Variants in ENAH observed in about 807,000 individuals in gnomAD.
ENAH encodes ENAH actin regulator.
In ENAH, 23 loss-of-function variants were observed where a neutral mutation model predicts 78.7. That is an observed-to-expected ratio of 0.29 (90% confidence interval 0.21 to 0.41). The LOEUF is 0.41. Among genes scored for constraint, ENAH ranks in the 10% least tolerant of loss-of-function variants. The pLI, the probability that ENAH is intolerant of heterozygous loss-of-function variation, is 1.00. For missense variants in ENAH, 544 were observed against 691.0 expected, an observed-to-expected ratio of 0.79 and a Z score of 2.39; for synonymous variants, 226 against 241.0, an observed-to-expected ratio of 0.94 and a Z score of 0.58.
intron 3 of ENAH, among the ~76,000 whole-genome samples, chr1:225,554,431 T>A (rs905011524): frequency 7.2e-5 from 11 of 152,208 alleles, no homozygotes; most frequent in African/African-American, 2.4e-4. Context: ...CTAAAATCTT[T>A]AAAAAAACCG....
intron 5 of ENAH, chr1:225,517,607 T>C (rs1479530811): frequency 8.4e-6 from 13 of 1,550,940 alleles, no homozygotes; most frequent in South Asian, 1.2e-5. Context: ...CTAATCATTA[T>C]TGGAGGAGAT....
intron 2 of ENAH, among the ~76,000 whole-genome samples, chr1:225,561,420 G>A (rs971845403): frequency 2.1e-4 from 32 of 151,400 alleles, no homozygotes; most frequent in Admixed American, 3.3e-4. Flanking sequence ...TCAGGAGATC[G>A]AAACCAACCT....
At chr1:225,642,949 G>T (rs1392581819) in intron 1 of ENAH, among the ~76,000 whole-genome samples, 1 of 152,176 alleles carries the variant, frequency 6.6e-6, no homozygotes, top group African/African-American at 2.4e-5. Flanking sequence ...GGCCTGAGCT[G>T]GCCAGAATGT....
intron 4 of ENAH, among the ~76,000 whole-genome samples, chr1:225,529,113 G>A (rs2096525499): frequency 6.6e-6 from 1 of 152,156 alleles, no homozygotes; most frequent in Admixed American, 6.5e-5. Context: ...GCTCAACAGA[G>A]CAGACTGACT....
chr1:225,584,074 A>G (rs1172449677), intron 1 of ENAH, among the ~76,000 whole-genome samples: 1 of 152,016 alleles, frequency 6.6e-6, no homozygotes, highest in African/African-American at 2.4e-5. Context: ...CACTGCTTGA[A>G]CCCGGGAGAT....
intron 2 of ENAH, among the ~76,000 whole-genome samples, chr1:225,559,625 A>G (rs1195023953): frequency 6.6e-6 from 1 of 152,142 alleles, no homozygotes; most frequent in East Asian, 1.9e-4. Context: ...CACCAACCTA[A>G]TAGTTCCCTA....
chr1:225,528,670 A>C (rs1332366951), intron 4 of ENAH, among the ~76,000 whole-genome samples: 1 of 152,108 alleles, frequency 6.6e-6, no homozygotes, highest in East Asian at 1.9e-4. Flanking sequence ...AGTAGGGCAA[A>C]TTTATCATGA....
At chr1:225,612,732 A>C (rs1248314572) in intron 1 of ENAH, among the ~76,000 whole-genome samples, 1 of 152,186 alleles carries the variant, frequency 6.6e-6, no homozygotes, top group Non-Finnish European at 1.5e-5. Flanking sequence ...AATAAATACT[A>C]AATAATTCAT....
Position 225,639,980 on chromosome 1 carries a change from A to C in ENAH, c.5+12706T>G, listed in dbSNP as rs182121605. 9.2e-5 allele frequency among the ~76,000 whole-genome samples: 14 copies of C among 152,316 alleles called. No homozygotes were observed. In the East Asian group the frequency reaches 2.5e-3, roughly 27 times the overall value. Reference sequence around the variant, plus strand: ...TCAATATTTAAGCACTTTAAGTCTTAAACAGTTACTTGGAGCTGAAAGCAT... The same window carrying C: ...TCAATATTTAAGCACTTTAAGTCTTCAACAGTTACTTGGAGCTGAAAGCAT... On this transcript the variant is annotated intron_variant, in intron 1 of 13. Coordinates refer to ENST00000366843, the MANE Select transcript of ENAH (RefSeq NM_018212.6).
chr1:225,538,949 T>C (rs10915847), intron 3 of ENAH, among the ~76,000 whole-genome samples: 105,346 of 152,028 alleles, frequency 0.69, 36,620 homozygotes, highest in Middle Eastern at 0.76. Flanking sequence ...CTGCTTCCTC[T>C]TCCTGAACAC....
intron 4 of ENAH, among the ~76,000 whole-genome samples, chr1:225,520,529 A>C (rs1045887075): frequency 2.6e-5 from 4 of 152,040 alleles, no homozygotes; most frequent in African/African-American, 7.2e-5. Flanking sequence ...ATTTCCCGCT[A>C]CTGTGAAATC....
chr1:225,629,312 G>A (rs188340303), intron 1 of ENAH, among the ~76,000 whole-genome samples: 46 of 151,338 alleles, frequency 3.0e-4, no homozygotes, highest in African/African-American at 1.0e-3. Flanking sequence ...AAGGCTGGGC[G>A]CTGTGGCTCA....
At chr1:225,586,758 G>A (rs955267060) in intron 1 of ENAH, among the ~76,000 whole-genome samples, 4 of 152,086 alleles carry the variant, frequency 2.6e-5, no homozygotes. Flanking sequence ...GAGCATGGTG[G>A]CTCACCCGTT....
chr1:225,545,896 A>G (rs892800048), intron 3 of ENAH, among the ~76,000 whole-genome samples: 9 of 147,736 alleles, frequency 6.1e-5, no homozygotes, highest in African/African-American at 2.2e-4. Context: ...TCTAATGATT[A>G]GGACATCTGT....
At chr1:225,563,190 A>G (rs1169099582) in intron 2 of ENAH, among the ~76,000 whole-genome samples, 1 of 152,212 alleles carries the variant, frequency 6.6e-6, no homozygotes, top group African/African-American at 2.4e-5. Context: ...GTTTATCCGC[A>G]GATACTCCTG....
At chr1:225,550,386 C>A (rs142221310) in intron 3 of ENAH, among the ~76,000 whole-genome samples, 1 of 152,318 alleles carries the variant, frequency 6.6e-6, no homozygotes, top group East Asian at 1.9e-4. Context: ...CTTTATTTAT[C>A]ATTTTTGTAT....
In ENAH at chr1:225,557,682, G is replaced by A. The variant is rs551053105; in HGVS notation, c.172-2599C>T. Among the ~76,000 whole-genome samples, 125 of 152,182 alleles carry A rather than the reference G, an allele frequency of 8.2e-4. 1 individual carries two copies. Among genetic ancestry groups the A allele is most frequent in the African/African-American group, 2.5e-3 (104 of 41,512 alleles). ...CTAAAAATACAAAACTTAGCCAGGCGTGGTGGCATGTGCCTGTAATCCCAG... is the reference window on the plus strand; with the variant it reads ...CTAAAAATACAAAACTTAGCCAGGCATGGTGGCATGTGCCTGTAATCCCAG... On this transcript the variant is annotated intron_variant, in intron 2 of 13. Transcript: ENST00000366843.
intron 1 of ENAH, among the ~76,000 whole-genome samples, chr1:225,621,866 C>G (rs1229927047): frequency 2.0e-5 from 3 of 152,180 alleles, no homozygotes; most frequent in Admixed American, 6.5e-5. Flanking sequence ...TCTACTCAGT[C>G]CTTGGAGACA....
chr1:225,594,124 T>C (rs1013619724), intron 1 of ENAH, among the ~76,000 whole-genome samples: 14 of 152,192 alleles, frequency 9.2e-5, no homozygotes, highest in Non-Finnish European at 1.9e-4. Flanking sequence ...TTGAGAACCA[T>C]TCACATTGCT....
Sources: allele counts gnomAD v4.1 joint callset (sites outside exome capture counted in the v4.1 genomes callset), GRCh38; gene constraint gnomAD v4.1.1; transcripts MANE v1.5; gene names NCBI Gene and HGNC (gene_info 2026-07-23, HGNC 2026-07-21).